The following PSMD6 variants were observed in gnomAD, a reference collection of about 807,000 sequenced individuals.
PSMD6 encodes 26S proteasome non-ATPase regulatory subunit 6.
Under a neutral mutation model 44.9 loss-of-function variants are expected in PSMD6, and 7 were observed. The ratio of observed to expected loss-of-function variants is 0.16; its 90% CI spans 0.09 to 0.29. The LOEUF is 0.29. Ranked by LOEUF, PSMD6 falls within the 10% of genes least tolerant of loss-of-function variation. The pLI, the probability that PSMD6 is intolerant of heterozygous loss-of-function variation, is 1.00. For missense variants in PSMD6, 420 were observed against 482.6 expected, an observed-to-expected ratio of 0.87 and a Z score of 1.21; for synonymous variants, 184 against 172.7, an observed-to-expected ratio of 1.07 and a Z score of -0.51.
intron 1 of PSMD6, chr3:64,023,032 T>TC: frequency 2.1e-6 from 3 of 1,423,780 alleles, no homozygotes; most frequent in Middle Eastern, 2.6e-4. Context: ...CTCACGATTC[T>TC]CCCCCAAGCT....
At chr3:64,021,811 C>CAAA (rs200884987) in intron 2 of PSMD6, among the ~76,000 whole-genome samples, 1 of 95,910 alleles carries the variant, frequency 1.0e-5, no homozygotes, top group Non-Finnish European at 2.3e-5. Context: ...AACTCCGTCT[C>CAAA]AAAAAAAAAA....
intron 2 of PSMD6, among the ~76,000 whole-genome samples, 193 bp downstream of exon 2, chr3:64,022,125 T>C (rs1040226066): frequency 6.6e-6 from 1 of 152,204 alleles, no homozygotes. Flanking sequence ...TAGCTGCTGT[T>C]TGGGGAAATG....
At chr3:64,020,082 G>A (rs1374403922) in intron 2 of PSMD6, among the ~76,000 whole-genome samples, 2 of 152,172 alleles carry the variant, frequency 1.3e-5, no homozygotes, top group Non-Finnish European at 2.9e-5. Flanking sequence ...GGGATCCTAG[G>A]AGAAATAGAT....
chr3:64,019,318 G>T lies in PSMD6; in HGVS notation c.475C>A (p.Arg159=). ...TACCTTTTGGCCTTTTCTGTGTTTC[G>T]TGTGATGAGATCATTATCCATATAA... ...LFYMDNDLIT[R]NTEKAKSLIE... Residue 159 remains arginine, a synonymous_variant, in exon 3 of 8, where the codon CGA becomes AGA. Coordinates refer to ENST00000295901, the MANE Select transcript of PSMD6 (RefSeq NM_014814.3). 1 of 1,587,548 alleles carries T rather than the reference G, an allele frequency of 6.3e-7. No homozygotes were observed. Among genetic ancestry groups the T allele is most frequent in the Non-Finnish European group, 8.6e-7 (1 of 1,156,126 alleles).
At chr3:64,017,340 AG>A (rs1251029061) in intron 5 of PSMD6, 1 of 152,192 alleles carries the variant, frequency 6.6e-6, no homozygotes, top group Non-Finnish European at 1.5e-5. Context: ...CAATAACCCC[AG>A]GAATGCAGAG....
Position 64,010,739 on chromosome 3 carries a change from G to GCAA in PSMD6, c.1098_1099insTTG (p.Tyr366_Gln367insLeu). 6.2e-7 allele frequency: 1 copy of GCAA among 1,610,212 alleles called. No individual in the cohort carries two copies. Among genetic ancestry groups the GCAA allele is most frequent in the Non-Finnish European group, 8.5e-7 (1 of 1,177,164 alleles). Reference sequence around the variant, plus strand: ...AGATCTCCTTTCTTGATAGTTTCTTGGTACTGCCAGTTCTTGCTATCAGGT... The same window carrying GCAA: ...AGATCTCCTTTCTTGATAGTTTCTTGCAAGTACTGCCAGTTCTTGCTATCAGGT... On this transcript the variant is annotated inframe_insertion, in exon 8 of 8. Coordinates refer to ENST00000295901, the MANE Select transcript of PSMD6 (RefSeq NM_014814.3).
At chr3:64,019,552 TACA>T (rs1454379079) in intron 2 of PSMD6, 111 bp from the exon 3 acceptor site, 14 of 1,118,490 alleles carry the variant, frequency 1.3e-5, no homozygotes, top group Middle Eastern at 2.0e-4. Context: ...GGAGTAGAAG[TACA>T]ACAAGATGGC....
rs1223512632 is a variant in PSMD6, at chr3:64,023,397, T to G, written c.23A>C (p.Glu8Ala). The G allele has an allele frequency of 1.2e-6, 2 of 1,605,024 alleles. No individual in the cohort carries two copies. Among genetic ancestry groups the G allele is most frequent in the South Asian group, 2.2e-5 (2 of 90,634 alleles). Residue 8 changes from glutamate (E) to alanine (A), a missense_variant, in exon 1 of 8, where the codon GAG (glutamate) becomes GCG (alanine). Around this residue, in one of 4 missense-constraint regions of PSMD6, gnomAD observed 136 missense variants for 124.2 expected, o/e 1.09. Coordinates refer to ENST00000295901, the MANE Select transcript of PSMD6 (RefSeq NM_014814.3). MPLENLE[E>A]EGLPKNPDLR... Reference sequence around the variant, plus strand: ...GTCGGGGTTCTTGGGCAGACCCTCCTCCTCCAGGTTCTCCAGCGGCATCGC... The same window carrying G: ...GTCGGGGTTCTTGGGCAGACCCTCCGCCTCCAGGTTCTCCAGCGGCATCGC...
intron 5 of PSMD6, chr3:64,015,631 A>AG (rs2076031089): frequency 6.6e-6 from 1 of 152,214 alleles, no homozygotes; most frequent in Admixed American, 6.5e-5. Context: ...ACTTGTGAAG[A>AG]GAAAAAAAGG....
At chr3:64,013,371 T>C (rs914193970) in intron 6 of PSMD6, 68 bp downstream of exon 6, 2 of 1,402,428 alleles carry the variant, frequency 1.4e-6, no homozygotes, top group Non-Finnish European at 1.9e-6. Context: ...AGTAAAAAAT[T>C]GTACAAGTTC....
At chr3:64,019,624 TTCTC>T (rs772783526) in intron 2 of PSMD6, 183 bp from the exon 3 acceptor site, 64 of 528,380 alleles carry the variant, frequency 1.2e-4, no homozygotes, top group Non-Finnish European at 2.0e-4. Flanking sequence ...TTATTCTACT[TTCTC>T]TACCTGTATA....
intron 6 of PSMD6, 82 bp downstream of exon 6, chr3:64,013,357 A>C: frequency 7.3e-7 from 1 of 1,364,170 alleles, no homozygotes; most frequent in Non-Finnish European, 9.8e-7. Context: ...AACCAATGTA[A>C]ACAAGTAAAA....
chr3:64,019,655 T>C (rs978175959), intron 2 of PSMD6: 4 of 461,728 alleles, frequency 8.7e-6, no homozygotes, highest in Non-Finnish European at 1.5e-5. Context: ...AAAAAATACA[T>C]AAGAAATGCC....
Position 64,013,465 on chromosome 3 carries a change from A to G in PSMD6, c.969T>C (p.Phe323=). 6.3e-7 allele frequency: 1 copy of G among 1,594,716 alleles called. No individual in the cohort carries two copies. The highest frequency in any genetic ancestry group is 8.5e-7 in the Non-Finnish European group (1 of 1,172,870). Residue 323 remains phenylalanine (F), a synonymous_variant, in exon 6 of 8, where the codon TTT becomes TTC. Transcript: ENST00000295901. ...SLTLGYMAEA[F]GVGVEFIDQE... ...GATCAATGAATTCCACACCAACACC[A>G]AACGCTTCTGCCATATAGCCAAGGG...
chr3:64,014,381 T>C (rs1359792667), intron 5 of PSMD6: 3 of 152,054 alleles, frequency 2.0e-5, no homozygotes, highest in South Asian at 4.1e-4. Context: ...TGAACAAATA[T>C]ACAAGATAAA....
chr3:64,022,538 G>C lies in PSMD6; in HGVS notation c.146-15C>G. 1 of 1,613,078 alleles carries C rather than the reference G, an allele frequency of 6.2e-7. No individual in the cohort carries two copies. The highest frequency in any genetic ancestry group is 8.5e-7 in the Non-Finnish European group (1 of 1,179,002). ...AGGAGCCATGTCTAACATGCAAAAA[G>C]AGGGATGTGTGAGTGGGGACACTTG... On this transcript the variant is annotated splice_polypyrimidine_tract_variant and intron_variant, in intron 1 of 7. Transcript: ENST00000295901.
intron 4 of PSMD6, 21 bp downstream of exon 4, chr3:64,018,797 G>A (rs1230592724): frequency 3.9e-6 from 6 of 1,543,196 alleles, no homozygotes; most frequent in Non-Finnish European, 5.4e-6. Context: ...TTAAATTTGA[G>A]TATTAAAGTT....
At chr3:64,013,228 T>C in intron 6 of PSMD6, 2 of 468,670 alleles carry the variant, frequency 4.3e-6, no homozygotes, top group Non-Finnish European at 7.5e-6. Context: ...CTACAACTCA[T>C]CTTCCCATCT....
Position 64,013,479 on chromosome 3 carries a change from T to G in PSMD6, c.955A>C (p.Met319Leu). 6.2e-7 allele frequency: 1 copy of G among 1,605,684 alleles called. No homozygotes were observed. Among genetic ancestry groups the G allele is most frequent in the Non-Finnish European group, 8.5e-7 (1 of 1,176,636 alleles). ...ESYRSLTLGYMAEAFGVGVEF... is the reference protein window; with the variant it reads ...ESYRSLTLGYLAEAFGVGVEF... ...ACACCAACACCAAACGCTTCTGCCA[T>G]ATAGCCAAGGGTTAATGACCTATAT... Residue 319 changes from methionine to leucine, a missense_variant, in exon 6 of 8, where the codon ATG becomes CTG. By Grantham distance (15) the Met-to-Leu change is conservative. This residue lies in a region of PSMD6 where 63 missense variants were observed against 112.1 expected (regional missense o/e 0.56). Transcript: ENST00000295901.
Sources: gnomAD v4.1 joint callset for allele counts (sites outside exome capture counted in the v4.1 genomes callset) on GRCh38, gnomAD v4.1.1 for gene constraint, gnomAD v4.1.1 regional missense constraint, MANE v1.5 for transcripts, NCBI Gene and HGNC (gene_info 2026-07-23, HGNC 2026-07-21) for gene names.